Variants in MLXIP observed in about 807,000 individuals in gnomAD.
MLXIP encodes the protein MLX-interacting protein.
In MLXIP, 30 loss-of-function variants were observed where a neutral mutation model predicts 87.2. That is an observed-to-expected ratio of 0.34 (90% CI 0.26 to 0.47). The LOEUF (loss-of-function observed/expected upper bound fraction) is 0.47, where lower values mean the gene tolerates loss of function less well. Ranked by LOEUF, MLXIP falls within the 20% of genes least tolerant of loss-of-function variation. The pLI is 1.00. For synonymous variants in MLXIP, 530 were observed against 514.0 expected, an observed-to-expected ratio of 1.03 and a Z score of -0.42; for missense variants, 1,002 against 1,240.1, an observed-to-expected ratio of 0.81 and a Z score of 2.88.
Position 122,078,967 on chromosome 12 carries a change from G to A in MLXIP, c.114G>A (p.Pro38=). 2.7e-6 allele frequency: 3 copies of A among 1,091,744 alleles called. No homozygotes were observed. Among genetic ancestry groups the A allele is most frequent in the Admixed American group, 4.5e-5 (1 of 22,026 alleles). 67.6% of individuals were successfully genotyped at this position (1,091,744 alleles called of 1,614,324 possible). A position where few individuals can be genotyped will look rare whatever the true frequency, so the allele number is the denominator to read the frequency against. The change falls in exon 1 of 17, where the codon CCG becomes CCA. Residue 38 remains proline, a synonymous_variant. Coordinates refer to ENST00000319080, the MANE Select transcript of MLXIP (RefSeq NM_014938.6). The part of the protein sequence containing the change: ...EDDDDSDTDE[P]SPPPASGAAT... Reference sequence around the variant, plus strand: ...ACGACGACTCGGACACGGATGAGCCGTCCCCGCCGCCCGCCTCCGGCGCGG... The same window carrying A: ...ACGACGACTCGGACACGGATGAGCCATCCCCGCCGCCCGCCTCCGGCGCGG...
intron 1 of MLXIP, among the ~76,000 whole-genome samples, chr12:122,089,473 G>A (rs765669661): frequency 6.6e-5 from 10 of 152,164 alleles, no homozygotes; most frequent in Non-Finnish European, 1.2e-4. Context: ...TGCCTCTTTT[G>A]TCTTTAAATT....
At chr12:122,132,557 G>A in intron 8 of MLXIP, 174 bp downstream of exon 8, 1 of 598,752 alleles carries the variant, frequency 1.7e-6, no homozygotes, top group Non-Finnish European at 3.0e-6. Flanking sequence ...CTCTTTTACA[G>A]CATCCTTCAG....
chr12:122,110,768 T>C (rs1952592801), intron 1 of MLXIP, among the ~76,000 whole-genome samples: 1 of 145,254 alleles, frequency 6.9e-6, no homozygotes, highest in Non-Finnish European at 1.5e-5. Flanking sequence ...TAGATCCTGC[T>C]CTTCAAAAGA....
intron 1 of MLXIP, among the ~76,000 whole-genome samples, chr12:122,084,096 A>G (rs569268628): frequency 6.6e-6 from 1 of 151,478 alleles, no homozygotes; most frequent in Non-Finnish European, 1.5e-5. Flanking sequence ...AAGGGCTGTG[A>G]TAACTGTGAC....
intron 1 of MLXIP, among the ~76,000 whole-genome samples, chr12:122,082,206 C>T (rs75596315): frequency 0.096 from 14,638 of 152,110 alleles, 957 homozygotes; most frequent in Admixed American, 0.19. Flanking sequence ...GGTAGGGAAC[C>T]GTGCAGATGG....
chr12:122,123,304 G>A (rs970591747), intron 1 of MLXIP, among the ~76,000 whole-genome samples: 5 of 152,184 alleles, frequency 3.3e-5, no homozygotes, highest in Admixed American at 2.0e-4. Flanking sequence ...GCAGGCCGTC[G>A]ACCCTTTCCG....
chr12:122,129,314 C>T (rs983578744), intron 4 of MLXIP, 88 bp downstream of exon 4: 5 of 1,197,444 alleles, frequency 4.2e-6, no homozygotes, highest in South Asian at 1.3e-5. Context: ...CGGTAGGCTC[C>T]ACAGCCGCCC....
chr12:122,109,300 C>T (rs997733940), intron 1 of MLXIP, among the ~76,000 whole-genome samples: 4 of 152,216 alleles, frequency 2.6e-5, no homozygotes, highest in African/African-American at 9.7e-5. Context: ...AACTCCTGAC[C>T]TGAAGTGATC....
intron 3 of MLXIP, chr12:122,128,767 C>T: frequency 1.0e-5 from 2 of 192,608 alleles, no homozygotes; most frequent in South Asian, 1.1e-4. Flanking sequence ...CATTTTTGCC[C>T]TTTGAATGTG....
chr12:122,095,767 G>C (rs1188574714), intron 1 of MLXIP, among the ~76,000 whole-genome samples: 2 of 151,764 alleles, frequency 1.3e-5, no homozygotes, highest in Non-Finnish European at 2.9e-5. Context: ...AACACCCAGA[G>C]ATAACTTGTC....
intron 1 of MLXIP, among the ~76,000 whole-genome samples, chr12:122,080,461 C>T (rs1211141855): frequency 6.6e-6 from 1 of 152,132 alleles, no homozygotes; most frequent in African/African-American, 2.4e-5. Context: ...TATGCTTTTA[C>T]CTGAAGTTAA....
chr12:122,114,676 C>T (rs1952659667), intron 1 of MLXIP, among the ~76,000 whole-genome samples: 2 of 151,776 alleles, frequency 1.3e-5, no homozygotes, highest in South Asian at 4.2e-4. Flanking sequence ...TTCCAGGGGC[C>T]TAGAATTCAC....
At chr12:122,086,519 G>A (rs751084427) in intron 1 of MLXIP, among the ~76,000 whole-genome samples, 4 of 152,142 alleles carry the variant, frequency 2.6e-5, no homozygotes, top group Non-Finnish European at 4.4e-5. Flanking sequence ...TTATGTGATG[G>A]CTGATGAGAG....
In MLXIP at chr12:122,129,493, C is replaced by T. The variant is rs764698100; in HGVS notation, c.697-95C>T. The T allele has an allele frequency of 2.8e-6, 4 of 1,425,486 alleles. 1 individual carries two copies. Among genetic ancestry groups the T allele is most frequent in the South Asian group, 2.4e-5 (2 of 82,158 alleles). 88.3% of individuals were successfully genotyped at this position (1,425,486 alleles called of 1,614,324 possible). ...GGCCTGGGGATGGTGTGAGCAGGAC[C>T]CCTACCTGCCTCCCTGAGAGTTCTG... On this transcript the variant is annotated intron_variant, in intron 4 of 16. Coordinates refer to ENST00000319080, the MANE Select transcript of MLXIP (RefSeq NM_014938.6).
Position 122,127,920 on chromosome 12 carries a change from G to T in MLXIP, c.558G>T (p.Val186=). ...EKRKNPVCHF[V]TPLDGSVDVD... is the part of the protein sequence containing the mutation. ...GCAAGAATCCTGTGTGCCACTTTGT[G>T]ACACCCCTGGACGGCTCTGTGGACG... Residue 186 remains valine (V), a synonymous_variant, in exon 3 of 17, where the codon GTG becomes GTT. Coordinates refer to ENST00000319080, the MANE Select transcript of MLXIP (RefSeq NM_014938.6). 6.2e-7 allele frequency: 1 copy of T among 1,613,800 alleles called. No homozygotes were observed. The highest frequency in any genetic ancestry group is 1.1e-5 in the South Asian group (1 of 91,076).
At position 122,130,837 on chromosome 12, in the gene MLXIP, C is replaced by G; in HGVS notation, c.911-7C>G. 1 of 1,608,382 alleles carries G rather than the reference C, an allele frequency of 6.2e-7. No homozygotes were observed. The highest frequency in any genetic ancestry group is 8.5e-7 in the Non-Finnish European group (1 of 1,174,964). On this transcript the variant is annotated splice_polypyrimidine_tract_variant and splice_region_variant and intron_variant, in intron 6 of 16. Coordinates refer to ENST00000319080, the MANE Select transcript of MLXIP (RefSeq NM_014938.6). ...CAAAATGGTTCCTCTCTCTGTGATT[C>G]TTGCAGCACATCTGGGAAATGCAGA...
chr12:122,115,891 A>G (rs1274705167), intron 1 of MLXIP, among the ~76,000 whole-genome samples: 3 of 152,140 alleles, frequency 2.0e-5, no homozygotes, highest in African/African-American at 7.2e-5. Context: ...TGTCTCTACA[A>G]AAACACAAAA....
chr12:122,147,099 G>C lies in MLXIP; in HGVS notation c.*5287G>C, dbSNP rs1565996697. The C allele has an allele frequency of 6.6e-6, 1 of 152,202 alleles. No individual in the cohort carries two copies. Among genetic ancestry groups the C allele is most frequent in the African/African-American group, 2.4e-5 (1 of 41,424 alleles). The allele number at this position is 152,202 out of a possible 1,614,324, so 9.4% of individuals were successfully genotyped here. A position where few individuals can be genotyped will look rare whatever the true frequency, so the allele number is the denominator to read the frequency against. The stretch of plus-strand genomic sequence containing the variant: ...TGTGTAAATGGCGGTTTTTTCTGGT[G>C]TGAGCTTTGGTGATGGTGGCAGGGC... On this transcript the variant is annotated 3_prime_UTR_variant, in exon 17 of 17. Transcript: ENST00000319080.
At chr12:122,128,301 G>A (rs1432945205) in intron 3 of MLXIP, 2 of 206,228 alleles carry the variant, frequency 9.7e-6, no homozygotes, top group Non-Finnish European at 9.8e-6. Context: ...GAGACTTCAG[G>A]AACCTCTGGG....
Sources: allele counts gnomAD v4.1 joint callset (sites outside exome capture counted in the v4.1 genomes callset), GRCh38; gene constraint gnomAD v4.1.1; transcripts MANE v1.5; gene names NCBI Gene and HGNC (gene_info 2026-07-23, HGNC 2026-07-21).